The following COL4A6 variants were observed in gnomAD, a reference collection of about 807,000 sequenced individuals.
The protein encoded by COL4A6 is collagen type IV alpha 6 chain.
A neutral mutation model predicts 126.7 loss-of-function variants in COL4A6; 59 were observed. The ratio of observed to expected loss-of-function variants is 0.47; its 90% CI spans 0.38 to 0.58. COL4A6 has a LOEUF of 0.58. Among genes scored for constraint, COL4A6 ranks in the 20% least tolerant of loss-of-function variants. The probability of loss-of-function intolerance (pLI) is 0.00; values close to 1 mark genes in which losing one functional copy is unlikely to be tolerated. For missense variants in COL4A6, 1,285 were observed against 1,337.3 expected (o/e 0.96, Z 0.61); for synonymous variants, 547 against 496.6 (o/e 1.10, Z -1.35).
At chrX:108,326,059 C>T (rs1372110325) in intron 2 of COL4A6, among the ~76,000 whole-genome samples, 1 of 111,801 alleles carries the variant, frequency 8.9e-6, no homozygotes, top group African/African-American at 3.3e-5. Context: ...CATTGTGCTA[C>T]AGGTTCTAGC....
intron 3 of COL4A6, among the ~76,000 whole-genome samples, chrX:108,285,512 G>C (rs1350184072): frequency 1.8e-5 from 2 of 111,480 alleles, no homozygotes; most frequent in Non-Finnish European, 3.8e-5. Flanking sequence ...AGCAATCAAA[G>C]CCATCAGCAA....
At chrX:108,261,470 G>C (rs1024723675) in intron 3 of COL4A6, among the ~76,000 whole-genome samples, 5 of 111,276 alleles carry the variant, frequency 4.5e-5, no homozygotes, top group Non-Finnish European at 9.5e-5. Context: ...GGAAAATGGG[G>C]CTCAGAGAAG....
At chrX:108,165,286 G>T in intron 38 of COL4A6, 84 bp downstream of exon 38, 1 of 860,671 alleles carries the variant, frequency 1.2e-6, no homozygotes. Context: ...CAGCAACAGG[G>T]ACTTGGCTGC....
chrX:108,435,397 ATCAT>A (rs1395953412), intron 2 of COL4A6, among the ~76,000 whole-genome samples: 1 of 112,212 alleles, frequency 8.9e-6, no homozygotes, highest in East Asian at 2.8e-4. Flanking sequence ...ATAATAACTT[ATCAT>A]TAAGCATCCT....
At chrX:108,221,505 C>A in intron 3 of COL4A6, 131 bp from the exon 4 acceptor site, 2 of 711,978 alleles carry the variant, frequency 2.8e-6, no homozygotes, top group Non-Finnish European at 4.1e-6. Flanking sequence ...TGAGGCACGC[C>A]AAAGTTCCAG....
chrX:108,193,760 G>A, intron 16 of COL4A6, 63 bp from the exon 17 acceptor site: 1 of 919,060 alleles, frequency 1.1e-6, no homozygotes, highest in Non-Finnish European at 1.6e-6. Context: ...AGATCTATGT[G>A]CCATTAAAGC....
At position 108,209,992 on chromosome X, in the gene COL4A6, G is replaced by T; in HGVS notation, c.523C>A (p.Leu175Met). The part of the protein sequence containing the change: ...SFKGMKGDPG[L>M]PGLDGITGPQ... ...ACAGTGATTCCATCCAGTCCAGGCA[G>T]CCCAGGATCCCCCTGAGAAACAAAG... The change falls in exon 8 of 45, where the codon CTG becomes ATG. Residue 175 changes from leucine to methionine, a missense_variant. By Grantham distance (15) the Leu-to-Met change is conservative. Coordinates refer to ENST00000334504, the MANE Select transcript of COL4A6 (RefSeq NM_033641.4). 1 of 1,209,664 alleles carries T rather than the reference G, an allele frequency of 8.3e-7. No homozygotes were observed. The highest frequency in any genetic ancestry group is 1.1e-6 in the Non-Finnish European group (1 of 894,273).
chrX:108,203,982 G>T (rs972580965), intron 12 of COL4A6, among the ~76,000 whole-genome samples: 20 of 111,622 alleles, frequency 1.8e-4, no homozygotes, highest in African/African-American at 6.2e-4. Context: ...TGAGAGGGTT[G>T]GGAGTTAGGA....
At chrX:108,257,677 G>C (rs923562684) in intron 3 of COL4A6, among the ~76,000 whole-genome samples, 7 of 110,762 alleles carry the variant, frequency 6.3e-5, no homozygotes, top group African/African-American at 2.3e-4. Context: ...ACCTCCTCTG[G>C]CTCCCTTCCT....
chrX:108,392,443 T>C (rs919895209), intron 2 of COL4A6, among the ~76,000 whole-genome samples: 2 of 106,223 alleles, frequency 1.9e-5, no homozygotes, highest in African/African-American at 6.9e-5. Context: ...CAATTAAAAA[T>C]GGACAAATGA....
intron 3 of COL4A6, among the ~76,000 whole-genome samples, chrX:108,294,014 TGC>T (rs2038245583): frequency 3.6e-5 from 4 of 112,406 alleles, no homozygotes; most frequent in African/African-American, 1.3e-4. Context: ...CACTCACTGA[TGC>T]TACCAAAATA....
chrX:108,278,020 G>A (rs2037668577), intron 3 of COL4A6, among the ~76,000 whole-genome samples: 1 of 111,619 alleles, frequency 9.0e-6, no homozygotes, highest in African/African-American at 3.3e-5. Context: ...ACCAAAAATA[G>A]ATAAAACCAC....
chrX:108,382,888 C>T lies in COL4A6; in HGVS notation c.63+55054G>A, dbSNP rs1323166361. Among the ~76,000 whole-genome samples the T allele has an allele frequency of 4.7e-5, 5 of 106,763 alleles. No individual in the cohort carries two copies. The East Asian group carries it at 8.7e-4, about 19-fold the overall frequency. 92.7% of individuals were successfully genotyped at this position (106,763 alleles called of 115,157 possible). On this transcript the variant is annotated intron_variant, in intron 2 of 44. Coordinates refer to ENST00000334504, the MANE Select transcript of COL4A6 (RefSeq NM_033641.4). ...GCTTGAACCCAGGAGGCAGAGGTTG[C>T]GGTGAGCGGAGATCATGCCACTGTA... is the stretch of plus-strand genomic sequence containing the variant.
chrX:108,192,506 G>T lies in COL4A6; in HGVS notation c.1147C>A (p.Pro383Thr). The T allele has an allele frequency of 8.3e-7, 1 of 1,209,142 alleles. No individual in the cohort carries two copies. The highest frequency in any genetic ancestry group is 1.8e-5 in the South Asian group (1 of 56,188). ...GDEGIQGLRG[P>T]SGVPGLPALS... ...GCTGGCAATCCAGGGACACCAGAAG[G>T]GCCACGTAGGCCTTGGATGCCTTCA... The change falls in exon 18 of 45, where the codon CCT becomes ACT. Residue 383 changes from proline (P) to threonine (T), a missense_variant. Physicochemically the swap from Pro to Thr is conservative, Grantham distance 38 (BLOSUM62 -1). Transcript: ENST00000334504.
At chrX:108,208,239 T>G (rs1013866125) in intron 8 of COL4A6, among the ~76,000 whole-genome samples, 1 of 111,950 alleles carries the variant, frequency 8.9e-6, no homozygotes, top group African/African-American at 3.2e-5. Context: ...GTTGGACATC[T>G]TAACATCCCT....
At chrX:108,214,999 A>G (rs1453361043) in intron 5 of COL4A6, among the ~76,000 whole-genome samples, 1 of 111,715 alleles carries the variant, frequency 9.0e-6, no homozygotes, top group East Asian at 2.8e-4. Context: ...TCAAAAGCCA[A>G]TTGTGTGTTG....
intron 3 of COL4A6, among the ~76,000 whole-genome samples, chrX:108,269,787 T>C (rs1321758084): frequency 8.9e-6 from 1 of 111,939 alleles, no homozygotes; most frequent in African/African-American, 3.3e-5. Flanking sequence ...TTATTAAAAA[T>C]AGAGAGACTG....
intron 37 of COL4A6, among the ~76,000 whole-genome samples, chrX:108,167,708 C>T (rs1304923155): frequency 3.6e-5 from 4 of 111,197 alleles, no homozygotes; most frequent in African/African-American, 1.3e-4. Context: ...AGATAGGTTC[C>T]TGTGGGGGTG....
intron 3 of COL4A6, among the ~76,000 whole-genome samples, chrX:108,289,523 G>A (rs2038104055): frequency 9.0e-6 from 1 of 111,071 alleles, no homozygotes; most frequent in Non-Finnish European, 1.9e-5. Context: ...AAAACAAAAG[G>A]CTTGTGCCAA....
Sources: gnomAD v4.1 joint callset for allele counts (sites outside exome capture counted in the v4.1 genomes callset) on GRCh38, gnomAD v4.1.1 for gene constraint, MANE v1.5 for transcripts, NCBI Gene and HGNC (gene_info 2026-07-23, HGNC 2026-07-21) for gene names.